The following ABL1 variants were observed in gnomAD, a reference collection of about 807,000 sequenced individuals.
ABL1 encodes ABL proto-oncogene 1, non-receptor tyrosine kinase.
Under a neutral mutation model 94.7 loss-of-function variants are expected in ABL1, and 11 were observed. That is an observed-to-expected ratio of 0.12 (90% confidence interval 0.07 to 0.19). ABL1 has a LOEUF of 0.19. Ranked by LOEUF, ABL1 falls within the 10% of genes least tolerant of loss-of-function variation. The pLI is 1.00. For missense variants in ABL1, 1,082 were observed against 1,489.4 expected (o/e 0.73, Z 4.50); for synonymous variants, 656 against 622.4 (o/e 1.05, Z -0.80).
intron 3 of ABL1, among the ~76,000 whole-genome samples, chr9:130,858,015 T>TC: frequency 6.6e-6 from 1 of 152,028 alleles, no homozygotes; most frequent in South Asian, 2.1e-4. Context: ...GCACCGCCCA[T>TC]GGGGGGTGAT....
chr9:130,713,132 C>T (rs1831391523), exon 1 of ABL1, among the ~76,000 whole-genome samples: 1 of 152,210 alleles, frequency 6.6e-6, no homozygotes, highest in South Asian at 2.1e-4. Context: ...CTGAGGAGCC[C>T]CTCCGCTGTC....
At chr9:130,849,528 G>A in intron 1 of ABL1, among the ~76,000 whole-genome samples, 1 of 150,958 alleles carries the variant, frequency 6.6e-6, no homozygotes, top group East Asian at 1.9e-4. Flanking sequence ...AATTTTTTTT[G>A]TTTTTTTTTG....
chr9:130,771,305 G>C (rs1410051007), intron 1 of ABL1, among the ~76,000 whole-genome samples: 1 of 151,820 alleles, frequency 6.6e-6, no homozygotes, highest in Non-Finnish European at 1.5e-5. Context: ...GGCTGGTCTT[G>C]AACTCTTGGC....
At chr9:130,853,928 GT>G in intron 1 of ABL1, 135 bp from the exon 2 acceptor site, 1 of 877,332 alleles carries the variant, frequency 1.1e-6, no homozygotes, top group Non-Finnish European at 1.7e-6. Context: ...ATAATAGTAT[GT>G]ACAGATGTTA....
chr9:130,833,607 AGGCCTGATCTG>A (rs900275597), upstream of ABL1, among the ~76,000 whole-genome samples: 1 of 152,184 alleles, frequency 6.6e-6, no homozygotes, highest in African/African-American at 2.4e-5. Context: ...GATGCTCATG[AGGCCTGATCTG>A]GTACCACGAC....
At chr9:130,781,735 G>A (rs1399085683) in intron 1 of ABL1, among the ~76,000 whole-genome samples, 3 of 151,908 alleles carry the variant, frequency 2.0e-5, no homozygotes, top group African/African-American at 7.3e-5. Context: ...CTTATTTTGA[G>A]ATTAGATAAT....
chr9:130,774,777 T>C (rs552075250), intron 1 of ABL1, among the ~76,000 whole-genome samples: 2 of 151,866 alleles, frequency 1.3e-5, no homozygotes, highest in African/African-American at 4.8e-5. Flanking sequence ...ACCCAGGAGG[T>C]TGAAGCCGAA....
intron 1 of ABL1, among the ~76,000 whole-genome samples, chr9:130,790,257 A>T (rs1829888067): frequency 6.6e-6 from 1 of 152,228 alleles, no homozygotes; most frequent in Non-Finnish European, 1.5e-5. Flanking sequence ...ATAGCAGCAC[A>T]GAGTGAGCCA....
Position 130,884,459 on chromosome 9 carries a change from C to T in ABL1, c.2169C>T (p.Pro723=). 6.2e-7 allele frequency: 1 copy of T among 1,612,964 alleles called. No individual in the cohort carries two copies. Among genetic ancestry groups the T allele is most frequent in the South Asian group, 1.1e-5 (1 of 91,084 alleles). The change falls in exon 11 of 11, where the codon CCC becomes CCT. Residue 723 remains proline (P), a synonymous_variant. Transcript: ENST00000318560. This position sits in a 1 kb window ranked among gnomAD's most constrained non-coding sequence, Gnocchi z 5.6. ...FLRSCSASCV[P]HGAKDTEWRS... ...GCTCTTGCTCCGCCTCCTGCGTTCC[C>T]CATGGGGCCAAGGACACGGAGTGGA...
chr9:130,729,458 T>C (rs1339920764), intron 1 of ABL1, among the ~76,000 whole-genome samples: 5 of 152,166 alleles, frequency 3.3e-5, no homozygotes, highest in African/African-American at 2.4e-5. Context: ...AGTCTTTGCT[T>C]CCTCAGTTCA....
chr9:130,733,461 G>A (rs528300856), intron 1 of ABL1, among the ~76,000 whole-genome samples: 3 of 152,016 alleles, frequency 2.0e-5, no homozygotes, highest in East Asian at 3.9e-4. Context: ...TTGTAGCAGG[G>A]TCTCAGTGTT....
At chr9:130,783,099 A>G (rs779165710) in intron 1 of ABL1, among the ~76,000 whole-genome samples, 3 of 152,262 alleles carry the variant, frequency 2.0e-5, no homozygotes, top group Non-Finnish European at 4.4e-5. Flanking sequence ...TATACAGTCC[A>G]TATTCAGAAT....
At chr9:130,815,202 C>G (rs1284382836) in intron 1 of ABL1, among the ~76,000 whole-genome samples, 1 of 151,926 alleles carries the variant, frequency 6.6e-6, no homozygotes, top group African/African-American at 2.4e-5. Flanking sequence ...GGCGTGATAG[C>G]ACACGCCTGT....
intron 1 of ABL1, among the ~76,000 whole-genome samples, chr9:130,795,415 G>A (rs953746584): frequency 2.6e-5 from 4 of 152,112 alleles, no homozygotes; most frequent in Non-Finnish European, 4.4e-5. Flanking sequence ...GTGTTTTCCC[G>A]ACAGTATCAT....
intron 1 of ABL1, among the ~76,000 whole-genome samples, chr9:130,779,934 A>G (rs1326511738): frequency 1.3e-5 from 2 of 152,168 alleles, no homozygotes; most frequent in Non-Finnish European, 2.9e-5. Flanking sequence ...CTCTGCTTTC[A>G]GGCACCATGG....
intron 1 of ABL1, among the ~76,000 whole-genome samples, chr9:130,744,804 C>T (rs1212683635): frequency 6.7e-6 from 1 of 149,384 alleles, no homozygotes; most frequent in Non-Finnish European, 1.5e-5. Context: ...TTGCAGTGAG[C>T]CAAGATCGCA....
chr9:130,875,645 T>C (rs550558918), intron 7 of ABL1, among the ~76,000 whole-genome samples: 2 of 152,266 alleles, frequency 1.3e-5, no homozygotes, highest in African/African-American at 4.8e-5. Context: ...TTTAATATGT[T>C]CCTCTGACTT....
Position 130,885,695 on chromosome 9 carries a change from G to A in ABL1, c.*12G>A. 6.2e-7 allele frequency: 1 copy of A among 1,602,228 alleles called. No individual in the cohort carries two copies. The highest frequency in any genetic ancestry group is 8.5e-7 in the Non-Finnish European group (1 of 1,173,290). ...TAGTGCAGAGGTAGCAGCAGTCAGG[G>A]GTCAGGTGTCAGGCCCGTCGGAGCT... On this transcript the variant is annotated 3_prime_UTR_variant, in exon 11 of 11. Coordinates refer to ENST00000318560, the MANE Select transcript of ABL1 (RefSeq NM_005157.6).
chr9:130,850,792 C>T (rs554674911), intron 1 of ABL1, among the ~76,000 whole-genome samples: 2 of 152,322 alleles, frequency 1.3e-5, no homozygotes, highest in South Asian at 4.1e-4. Context: ...CAGGCATGAG[C>T]CACCGCACCC....
Sources: allele counts gnomAD v4.1 joint callset (sites outside exome capture counted in the v4.1 genomes callset), GRCh38; gene constraint gnomAD v4.1.1; non-coding constraint Gnocchi (gnomAD v3.1); transcripts MANE v1.5; gene names NCBI Gene and HGNC (gene_info 2026-07-23, HGNC 2026-07-21).